DNM3: variants seen among roughly 807,000 people sequenced by gnomAD.
DNM3 encodes the protein dynamin 3.
A neutral mutation model predicts 101.6 loss-of-function variants in DNM3; 47 were observed. That is an observed-to-expected ratio of 0.46 (90% confidence interval 0.37 to 0.59). The LOEUF is 0.59. Ranked by LOEUF, DNM3 falls within the 20% of genes least tolerant of loss-of-function variation. The probability of loss-of-function intolerance (pLI) is 0.00; values close to 1 mark genes in which losing one functional copy is unlikely to be tolerated. For missense variants in DNM3, 849 were observed against 1,085.7 expected (o/e 0.78, Z 3.06); for synonymous variants, 385 against 387.9 (o/e 0.99, Z 0.09).
rs559783637 is a variant in DNM3 at position 171,968,421 on chromosome 1, TAGAC to T, written c.236-19231_236-19228del. 6.3e-4 allele frequency among the ~76,000 whole-genome samples: 96 copies of T among 152,266 alleles called. No homozygotes were observed. In the Middle Eastern group the frequency reaches 0.014, roughly 22 times the overall value. On this transcript the variant is annotated intron_variant, in intron 2 of 20. Coordinates refer to ENST00000627582, the MANE Select transcript of DNM3 (RefSeq NM_015569.5). ...ATGAATTGAGCAGAGGTTGGTTTAA[TAGAC>T]AGAAATGGACCAAGAAGGCAGAAAC... is the stretch of plus-strand genomic sequence containing the variant.
At chr1:172,313,821 A>G (rs1270788376) in intron 16 of DNM3, among the ~76,000 whole-genome samples, 1 of 151,750 alleles carries the variant, frequency 6.6e-6, no homozygotes, top group Non-Finnish European at 1.5e-5. Context: ...TTATACTTTA[A>G]GTTCTAGGAT....
Position 171,987,625 on chromosome 1 carries a change from A to C in DNM3, c.236-31A>C. On this transcript the variant is annotated intron_variant, in intron 2 of 20. Coordinates refer to ENST00000627582, the MANE Select transcript of DNM3 (RefSeq NM_015569.5). Reference sequence around the variant, plus strand: ...AATTATGGCAAAAATGCATGAATTTAAGTTGTGTCATTTTGGTTTTATTTT... The same window carrying C: ...AATTATGGCAAAAATGCATGAATTTCAGTTGTGTCATTTTGGTTTTATTTT... 8 of 1,534,534 alleles carry C rather than the reference A, an allele frequency of 5.2e-6. No individual in the cohort carries two copies. The South Asian group carries it at 1.0e-4, about 20-fold the overall frequency.
intron 17 of DNM3, among the ~76,000 whole-genome samples, chr1:172,363,263 C>G (rs1402518320): frequency 1.3e-5 from 2 of 151,814 alleles, no homozygotes; most frequent in African/African-American, 4.8e-5. Flanking sequence ...TCTGTTGTGG[C>G]TTCTGAATGC....
At chr1:172,297,535 G>T (rs1320692656) in intron 15 of DNM3, among the ~76,000 whole-genome samples, 1 of 151,690 alleles carries the variant, frequency 6.6e-6, no homozygotes. Flanking sequence ...TCTCTTTGTT[G>T]GTTTATTTTA....
chr1:171,915,828 C>T (rs980936954), intron 1 of DNM3, among the ~76,000 whole-genome samples: 1 of 152,182 alleles, frequency 6.6e-6, no homozygotes, highest in Non-Finnish European at 1.5e-5. Flanking sequence ...TAGTGTTTGG[C>T]TACCTCTCTG....
Position 172,038,301 on chromosome 1 carries a change from T to C in DNM3, c.850-18T>C. The stretch of plus-strand genomic sequence containing the variant: ...TGATTCAATCTTCAATCTGTGTGTA[T>C]CATTTTGTTTTGTTTAGCAACTTAC... On this transcript the variant is annotated intron_variant, in intron 6 of 20. Coordinates refer to ENST00000627582, the MANE Select transcript of DNM3 (RefSeq NM_015569.5). 2 of 1,612,982 alleles carry C rather than the reference T, an allele frequency of 1.2e-6. No individual in the cohort carries two copies. The highest frequency in any genetic ancestry group is 1.3e-5 in the African/African-American group (1 of 74,996).
At chr1:172,199,540 CTA>C (rs765306314) in intron 14 of DNM3, among the ~76,000 whole-genome samples, 4 of 152,216 alleles carry the variant, frequency 2.6e-5, no homozygotes. Flanking sequence ...ATGTGGGAGT[CTA>C]TGTCTCTTTG....
At chr1:172,217,514 G>T (rs996046597) in intron 14 of DNM3, among the ~76,000 whole-genome samples, 9 of 144,642 alleles carry the variant, frequency 6.2e-5, no homozygotes, top group Admixed American at 6.1e-4. Context: ...TTCCATTAGA[G>T]ATGTGTTTCC....
In DNM3 at chr1:172,192,531, C is replaced by G. The variant is rs901411724; in HGVS notation, c.1660-61042C>G. ...CCCAATGCTATCCCTCCCCCCTCCC[C>G]CCACCCCACAACAGTCCCCAGAGTG... On this transcript the variant is annotated intron_variant, in intron 14 of 20. Coordinates refer to ENST00000627582, the MANE Select transcript of DNM3 (RefSeq NM_015569.5). Among the ~76,000 whole-genome samples, 3 of 114,600 alleles carry G rather than the reference C, an allele frequency of 2.6e-5. No homozygotes were observed. The Admixed American group carries it at 3.0e-4, about 12-fold the overall frequency. 75.2% of individuals were successfully genotyped at this position (114,600 alleles called of 152,430 possible). A position where few individuals can be genotyped will look rare whatever the true frequency, so the allele number is the denominator to read the frequency against.
chr1:172,312,001 A>T (rs2065102248), intron 16 of DNM3, among the ~76,000 whole-genome samples: 2 of 152,196 alleles, frequency 1.3e-5, no homozygotes, highest in Admixed American at 6.5e-5. Context: ...CATATTACAT[A>T]ATTGCTTGAC....
intron 4 of DNM3, among the ~76,000 whole-genome samples, chr1:172,028,585 G>A (rs2048374649): frequency 6.6e-6 from 1 of 152,086 alleles, no homozygotes; most frequent in African/African-American, 2.4e-5. Flanking sequence ...AACTGAAGGA[G>A]ATAGAAACAC....
intron 14 of DNM3, among the ~76,000 whole-genome samples, chr1:172,206,022 T>G (rs1030134385): frequency 6.6e-6 from 1 of 152,156 alleles, no homozygotes; most frequent in African/African-American, 2.4e-5. Flanking sequence ...ATGTAAATCT[T>G]CCAAATTTTC....
At chr1:171,885,262 A>C (rs888993932) in intron 1 of DNM3, among the ~76,000 whole-genome samples, 11 of 152,242 alleles carry the variant, frequency 7.2e-5, no homozygotes, top group African/African-American at 2.4e-4. Flanking sequence ...AAAATTTCTT[A>C]CCTCCTAAGC....
intron 14 of DNM3, among the ~76,000 whole-genome samples, chr1:172,161,876 A>G (rs978394941): frequency 3.3e-5 from 5 of 152,100 alleles, no homozygotes; most frequent in African/African-American, 1.2e-4. Flanking sequence ...AAAGAGAGGT[A>G]CCATCATGAT....
intron 15 of DNM3, among the ~76,000 whole-genome samples, chr1:172,259,354 C>T (rs1330094623): frequency 6.6e-6 from 1 of 151,938 alleles, no homozygotes; most frequent in Non-Finnish European, 1.5e-5. Context: ...GTGTAGAAGT[C>T]CCAACTATTC....
chr1:171,930,764 T>G (rs2040941253), intron 2 of DNM3, among the ~76,000 whole-genome samples: 1 of 152,192 alleles, frequency 6.6e-6, no homozygotes. Context: ...AGTACTTGGA[T>G]GTTTCAGTTG....
At chr1:172,227,106 GT>G (rs2061153608) in intron 14 of DNM3, among the ~76,000 whole-genome samples, 1 of 151,358 alleles carries the variant, frequency 6.6e-6, no homozygotes, top group African/African-American at 2.4e-5. Flanking sequence ...CACTTTGTAT[GT>G]CCTTGCATAC....
chr1:172,205,061 AGTT>A (rs1403007360), intron 14 of DNM3, among the ~76,000 whole-genome samples: 1 of 152,130 alleles, frequency 6.6e-6, no homozygotes, highest in African/African-American at 2.4e-5. Context: ...ACTCTGTTCT[AGTT>A]GTATTTTTCT....
intron 14 of DNM3, among the ~76,000 whole-genome samples, chr1:172,175,425 C>G (rs563240069): frequency 6.6e-6 from 1 of 151,720 alleles, no homozygotes. Context: ...TGAATACTTA[C>G]TATAGTTGTA....
Sources: gnomAD v4.1 joint callset for allele counts (sites outside exome capture counted in the v4.1 genomes callset) on GRCh38, gnomAD v4.1.1 for gene constraint, MANE v1.5 for transcripts, NCBI Gene and HGNC (gene_info 2026-07-23, HGNC 2026-07-21) for gene names.